The following KAZN variants were observed in gnomAD, a reference collection of about 807,000 sequenced individuals.
KAZN encodes the protein kazrin.
Under a neutral mutation model 87.4 loss-of-function variants are expected in KAZN, and 40 were observed. That is an observed-to-expected ratio of 0.46 (90% confidence interval 0.36 to 0.60). The LOEUF (loss-of-function observed/expected upper bound fraction) is 0.60. KAZN is among the 20% of genes least tolerant of loss of function. The pLI is 0.00. For missense variants in KAZN, 898 were observed against 1,073.9 expected (o/e 0.84, Z 2.29); for synonymous variants, 466 against 458.3 (o/e 1.02, Z -0.22).
intron 1 of KAZN, among the ~76,000 whole-genome samples, chr1:14,604,999 A>G (rs961923756): frequency 6.6e-6 from 1 of 152,220 alleles, no homozygotes; most frequent in African/African-American, 2.4e-5. Context: ...TTCCATTCCC[A>G]ATATTACCTC....
At chr1:14,645,393 G>A (rs1680736444) in intron 1 of KAZN, among the ~76,000 whole-genome samples, 1 of 152,192 alleles carries the variant, frequency 6.6e-6, no homozygotes, top group Non-Finnish European at 1.5e-5. Context: ...GCTTTGGGCA[G>A]TATGGACATT....
rs561573680 is a variant in KAZN at position 14,891,740 on chromosome 1, C to T, written c.227-68944C>T. On this transcript the variant is annotated intron_variant, in intron 1 of 14. Transcript: ENST00000376030. ...AGAAGAAAAGCCAAAAAAGTATTAACGGGGGTAGTGGGATTTTACAGGTGA... is the reference window on the plus strand; with the variant it reads ...AGAAGAAAAGCCAAAAAAGTATTAATGGGGGTAGTGGGATTTTACAGGTGA... Among the ~76,000 whole-genome samples, 73 of 152,206 alleles carry T rather than the reference C, an allele frequency of 4.8e-4. No homozygotes were observed. The South Asian group carries it at 0.014, about 30-fold the overall frequency.
In KAZN at chr1:14,755,916, C is replaced by T. The variant is rs1275575431; in HGVS notation, c.226+156693C>T. Among the ~76,000 whole-genome samples, 5 of 152,322 alleles carry T rather than the reference C, an allele frequency of 3.3e-5. No homozygotes were observed. The East Asian group carries it at 5.8e-4, about 18-fold the overall frequency. Reference sequence around the variant, plus strand: ...AGCAGATGCCTTGAAGTCTCCCAGACGCCCCACAGGCTGCAAAGGAAGTTG... The same window carrying T: ...AGCAGATGCCTTGAAGTCTCCCAGATGCCCCACAGGCTGCAAAGGAAGTTG... On this transcript the variant is annotated intron_variant, in intron 1 of 14. Coordinates refer to ENST00000376030, the MANE Select transcript of KAZN (RefSeq NM_201628.3).
chr1:14,623,273 G>T (rs555778244), intron 1 of KAZN, among the ~76,000 whole-genome samples: 15 of 152,314 alleles, frequency 9.8e-5, no homozygotes, highest in African/African-American at 3.6e-4. Context: ...GCACACCATG[G>T]AATACTATGC....
intron 2 of KAZN, among the ~76,000 whole-genome samples, chr1:14,335,001 T>G (rs573486711): frequency 6.6e-6 from 1 of 151,582 alleles, no homozygotes; most frequent in South Asian, 2.1e-4. Flanking sequence ...ATGGTTTAGG[T>G]GTTTGTCCCT....
At chr1:14,936,451 C>T (rs919596852) in intron 1 of KAZN, among the ~76,000 whole-genome samples, 3 of 152,172 alleles carry the variant, frequency 2.0e-5, no homozygotes, top group African/African-American at 7.2e-5. Context: ...GGACATCCCG[C>T]ACCATGGGAT....
chr1:14,776,545 C>G (rs1294789510), intron 1 of KAZN, among the ~76,000 whole-genome samples: 1 of 152,122 alleles, frequency 6.6e-6, no homozygotes, highest in Non-Finnish European at 1.5e-5. Context: ...AGGTGCTGTC[C>G]GAGATGTCTA....
chr1:13,898,649 C>T (rs532645745), intron 1 of KAZN, among the ~76,000 whole-genome samples: 1 of 152,292 alleles, frequency 6.6e-6, no homozygotes, highest in South Asian at 2.1e-4. Context: ...TGTTCCTGGG[C>T]TGCAGCTCTG....
intron 1 of KAZN, among the ~76,000 whole-genome samples, chr1:13,931,993 T>C (rs1640533236): frequency 6.7e-6 from 1 of 149,132 alleles, no homozygotes; most frequent in South Asian, 2.1e-4. Flanking sequence ...AGGCACGTAC[T>C]GCTAGGCTTG....
chr1:13,986,187 A>G (rs1639005313), intron 1 of KAZN, among the ~76,000 whole-genome samples: 1 of 152,250 alleles, frequency 6.6e-6, no homozygotes, highest in Non-Finnish European at 1.5e-5. Flanking sequence ...TATTTGCTGA[A>G]TAAATGAAAG....
At chr1:14,690,983 A>G (rs970164053) in intron 1 of KAZN, among the ~76,000 whole-genome samples, 1 of 152,208 alleles carries the variant, frequency 6.6e-6, no homozygotes, top group African/African-American at 2.4e-5. Context: ...ATGTTTTCAT[A>G]CCTAATGTTG....
At chr1:14,177,997 A>G (rs1646120856) in intron 1 of KAZN, among the ~76,000 whole-genome samples, 1 of 152,102 alleles carries the variant, frequency 6.6e-6, no homozygotes, top group South Asian at 2.1e-4. Flanking sequence ...TCCACGTGTC[A>G]TAGGAGGGAC....
At chr1:14,074,512 C>T (rs1022471926) in intron 1 of KAZN, among the ~76,000 whole-genome samples, 4 of 152,136 alleles carry the variant, frequency 2.6e-5, no homozygotes, top group Admixed American at 2.0e-4. Flanking sequence ...TAGAAGAAGG[C>T]TTGGGGTCGT....
At chr1:14,494,900 G>C (rs1194987973) in intron 2 of KAZN, among the ~76,000 whole-genome samples, 3 of 152,176 alleles carry the variant, frequency 2.0e-5, no homozygotes, top group Admixed American at 6.5e-5. Context: ...GGTGATGTGG[G>C]GAGGTAGAGA....
At chr1:14,981,217 C>G (rs1453660844) in intron 2 of KAZN, among the ~76,000 whole-genome samples, 1 of 152,250 alleles carries the variant, frequency 6.6e-6, no homozygotes, top group Non-Finnish European at 1.5e-5. Context: ...TAGCTCCCAA[C>G]CCTGAATGCT....
At chr1:14,572,830 T>C (rs1007441071) in intron 2 of KAZN, among the ~76,000 whole-genome samples, 1 of 152,232 alleles carries the variant, frequency 6.6e-6, no homozygotes, top group Non-Finnish European at 1.5e-5. Flanking sequence ...CTTGGACTCA[T>C]TATTTAGTTT....
intron 1 of KAZN, among the ~76,000 whole-genome samples, chr1:14,109,816 T>TGGAGTCTCGCTCTGTCGTCCAGGCTGGAG (rs1291749271): frequency 2.9e-4 from 44 of 150,444 alleles, no homozygotes; most frequent in African/African-American, 1.1e-3. Flanking sequence ...ATCAAAACGA[T>TGGAGTCTCGCTCTGTCGTCCAGGCTGGAG]TTCAGCGTCA....
chr1:14,979,571 C>G (rs1666027985), intron 2 of KAZN, among the ~76,000 whole-genome samples: 1 of 152,052 alleles, frequency 6.6e-6, no homozygotes, highest in Non-Finnish European at 1.5e-5. Context: ...AAGCAGGTGG[C>G]TCAGAGACCA....
chr1:13,940,086 G>T (rs183658710), intron 1 of KAZN, among the ~76,000 whole-genome samples: 12 of 152,258 alleles, frequency 7.9e-5, no homozygotes, highest in African/African-American at 2.9e-4. Context: ...ATACTCACCT[G>T]TAGTTTTCTT....
Sources: allele counts gnomAD v4.1 joint callset (sites outside exome capture counted in the v4.1 genomes callset), GRCh38; gene constraint gnomAD v4.1.1; transcripts MANE v1.5; gene names NCBI Gene and HGNC (gene_info 2026-07-23, HGNC 2026-07-21).